The following SMARCA2 variants were observed in gnomAD, a reference collection of about 807,000 sequenced individuals.
SMARCA2 encodes the protein SWI/SNF related BAF chromatin remodeling complex subunit ATPase 2, also known as SWI/SNF-related matrix-associated actin-dependent regulator of chromatin subfamily A member 2.
SMARCA2 carries 61 observed loss-of-function variants against 199.8 expected under a neutral mutation model. The observed-to-expected ratio is 0.31, with a 90% CI of 0.25 to 0.38. SMARCA2 has a LOEUF of 0.38. Ranked by LOEUF, SMARCA2 falls within the 10% of genes least tolerant of loss-of-function variation. The pLI is 1.00. For missense variants in SMARCA2, 1,344 were observed against 2,012.2 expected, an observed-to-expected ratio of 0.67 and a Z score of 6.35; for synonymous variants, 935 against 732.0, an observed-to-expected ratio of 1.28 and a Z score of -4.48.
chr9:2,189,424 T>C (rs899985790), intron 32 of SMARCA2, among the ~76,000 whole-genome samples: 4 of 152,074 alleles, frequency 2.6e-5, no homozygotes, highest in Non-Finnish European at 4.4e-5. Context: ...CAAGGATACA[T>C]TTTCTTACCC....
chr9:2,121,485 T>G (rs980033881), intron 26 of SMARCA2, among the ~76,000 whole-genome samples: 10 of 152,296 alleles, frequency 6.6e-5, no homozygotes, highest in African/African-American at 2.4e-4. Flanking sequence ...GCACCTCCAC[T>G]TGGGGGCAGG....
intron 27 of SMARCA2, among the ~76,000 whole-genome samples, chr9:2,147,243 A>C (rs74892764): frequency 3.4e-4 from 3 of 8,740 alleles, no homozygotes; most frequent in African/African-American, 5.2e-4. Flanking sequence ...TGAGTGACCA[A>C]AAAAAAAAAA....
intron 5 of SMARCA2, among the ~76,000 whole-genome samples, chr9:2,050,692 C>T (rs1429637618): frequency 6.6e-6 from 1 of 151,806 alleles, no homozygotes; most frequent in Non-Finnish European, 1.5e-5. Flanking sequence ...CAAAAATTAC[C>T]AGTAGCTGCT....
intron 27 of SMARCA2, among the ~76,000 whole-genome samples, chr9:2,124,466 C>T (rs923563579): frequency 6.6e-6 from 1 of 152,144 alleles, no homozygotes; most frequent in Admixed American, 6.5e-5. Flanking sequence ...TACCTTTGTA[C>T]TTGCTTGGTT....
At chr9:2,091,565 T>A (rs561130961) in intron 19 of SMARCA2, among the ~76,000 whole-genome samples, 1 of 152,214 alleles carries the variant, frequency 6.6e-6, no homozygotes, top group African/African-American at 2.4e-5. Flanking sequence ...AAACTTTTCA[T>A]GTACAGGTTT....
chr9:2,081,267 C>T, intron 14 of SMARCA2, among the ~76,000 whole-genome samples: 1 of 152,132 alleles, frequency 6.6e-6, no homozygotes, highest in East Asian at 1.9e-4. Flanking sequence ...TTGCCAGCTT[C>T]CAGTGTGCAG....
chr9:2,131,636 T>G (rs1443507049), intron 27 of SMARCA2, among the ~76,000 whole-genome samples: 1 of 152,162 alleles, frequency 6.6e-6, no homozygotes, highest in Non-Finnish European at 1.5e-5. Context: ...GTCTGCTGAC[T>G]ACTAAAATAA....
chr9:2,096,808 C>A, intron 20 of SMARCA2, 44 bp downstream of exon 20: 1 of 1,110,110 alleles, frequency 9.0e-7, no homozygotes, highest in Non-Finnish European at 1.4e-6. Context: ...TGTGGTATGT[C>A]TTCTCATGGC....
At chr9:2,188,488 A>G (rs1472549435) in intron 32 of SMARCA2, among the ~76,000 whole-genome samples, 1 of 152,106 alleles carries the variant, frequency 6.6e-6, no homozygotes, top group East Asian at 1.9e-4. Flanking sequence ...TCATGTAGTT[A>G]TTCCTTTGTT....
intron 1 of SMARCA2, among the ~76,000 whole-genome samples, chr9:2,022,954 T>G (rs539709649): frequency 6.6e-6 from 1 of 152,234 alleles, no homozygotes; most frequent in Non-Finnish European, 1.5e-5. Flanking sequence ...TAACTACTAA[T>G]GGACATGAGT....
chr9:2,038,344 A>G (rs1477986708), intron 3 of SMARCA2, among the ~76,000 whole-genome samples: 2 of 152,132 alleles, frequency 1.3e-5, no homozygotes, highest in Non-Finnish European at 2.9e-5. Context: ...TGTTCTACCC[A>G]TATCTTCTTG....
chr9:2,079,164 A>C (rs1293460096), intron 14 of SMARCA2, among the ~76,000 whole-genome samples: 2 of 152,170 alleles, frequency 1.3e-5, no homozygotes, highest in Non-Finnish European at 2.9e-5. Flanking sequence ...TTGTTAATTC[A>C]CATGCCCGTC....
intron 19 of SMARCA2, among the ~76,000 whole-genome samples, chr9:2,095,076 GA>G (rs544713281): frequency 2.3e-4 from 34 of 150,992 alleles, no homozygotes; most frequent in Admixed American, 4.0e-4. Context: ...CAATACAGCT[GA>G]AAAAATTAGA....
intron 23 of SMARCA2, among the ~76,000 whole-genome samples, chr9:2,106,933 C>T (rs1377166314): frequency 1.3e-5 from 2 of 152,010 alleles, no homozygotes; most frequent in East Asian, 3.9e-4. Flanking sequence ...ACACAGTTGC[C>T]CTATTAATTG....
At position 2,073,658 on chromosome 9, in the gene SMARCA2, T is replaced by G. The variant is rs142976402; in HGVS notation, c.1935+35T>G. ...TATCTCTGTTTGGGGTTTATTGGTT[T>G]GAAAGTTATCAGAGGAAGAAATTCT... On this transcript the variant is annotated intron_variant, in intron 12 of 33. Transcript: ENST00000349721. 1,886 of 1,504,024 alleles carry G rather than the reference T, an allele frequency of 1.3e-3. 2 individuals carry two copies. Among genetic ancestry groups the G allele is most frequent in the Non-Finnish European group, 1.6e-3 (1,707 of 1,083,074 alleles). 93.2% of individuals were successfully genotyped at this position (1,504,024 alleles called of 1,614,324 possible).
In SMARCA2 at chr9:2,016,514, C is replaced by T. The variant is rs962015179; in HGVS notation, c.-37+1110C>T. The T allele has an allele frequency of 1.3e-5, 2 of 152,744 alleles. No homozygotes were observed. The highest frequency in any genetic ancestry group is 2.4e-5 in the African/African-American group (1 of 41,470). The allele number at this position is 152,744 out of a possible 1,614,324, so 9.5% of individuals were successfully genotyped here. Reference sequence around the variant, plus strand: ...CCTGCGATCGTCCGGGTGCTAGGGGCGCGCCGGGACCCAGGAGAGCCACGG... The same window carrying T: ...CCTGCGATCGTCCGGGTGCTAGGGGTGCGCCGGGACCCAGGAGAGCCACGG... On this transcript the variant is annotated intron_variant, in intron 1 of 33. Transcript: ENST00000349721. This position sits in a 1 kb window ranked among gnomAD's most constrained non-coding sequence, Gnocchi z 5.6.
intron 1 of SMARCA2, among the ~76,000 whole-genome samples, chr9:2,019,421 G>T (rs1384770790): frequency 1.3e-5 from 2 of 149,904 alleles, no homozygotes; most frequent in African/African-American, 4.9e-5. Flanking sequence ...TTGTTCGTTT[G>T]TAAAGTGGTT....
intron 4 of SMARCA2, chr9:2,041,440 A>G (rs1031760060): frequency 5.0e-6 from 2 of 398,640 alleles, no homozygotes; most frequent in African/African-American, 2.1e-5. Context: ...CTCACATGGC[A>G]GAAGAGACAA....
intron 32 of SMARCA2, among the ~76,000 whole-genome samples, chr9:2,189,646 C>T (rs893955497): frequency 4.6e-5 from 7 of 151,894 alleles, no homozygotes; most frequent in Admixed American, 1.3e-4. Context: ...TCTTCTTCTC[C>T]TAAGTTACTC....
Sources: allele counts gnomAD v4.1 joint callset (sites outside exome capture counted in the v4.1 genomes callset), GRCh38; gene constraint gnomAD v4.1.1; non-coding constraint Gnocchi (gnomAD v3.1); transcripts MANE v1.5; gene names NCBI Gene and HGNC (gene_info 2026-07-23, HGNC 2026-07-21).